Variants in TBCE observed in about 807,000 individuals in gnomAD.
The protein encoded by TBCE is tubulin-specific chaperone E.
Under a neutral mutation model 77.0 loss-of-function variants are expected in TBCE, and 53 were observed. The observed-to-expected ratio is 0.69, with a 90% CI of 0.55 to 0.87. The LOEUF (loss-of-function observed/expected upper bound fraction) is 0.87. Among genes scored for constraint, TBCE ranks in the 40% least tolerant of loss-of-function variants. The pLI is 0.00. For synonymous variants in TBCE, 235 were observed against 241.3 expected, an observed-to-expected ratio of 0.97 and a Z score of 0.24; for missense variants, 624 against 622.4, an observed-to-expected ratio of 1.00 and a Z score of -0.03.
chr1:235,417,255 A>T (rs1278254907), intron 4 of TBCE, among the ~76,000 whole-genome samples: 1 of 152,222 alleles, frequency 6.6e-6, no homozygotes, highest in Non-Finnish European at 1.5e-5. Context: ...CTGGCAAAGA[A>T]GGCTATTTTA....
intron 2 of TBCE, among the ~76,000 whole-genome samples, chr1:235,400,408 C>CTTCTTTTTTTTTTTTTTTTT (rs150764928): frequency 2.8e-5 from 3 of 106,050 alleles, no homozygotes; most frequent in African/African-American, 1.3e-4. Context: ...TATTTTTCCT[C>CTTCTTTTTTTTTTTTTTTTT]TTTTTTTTTT....
intron 3 of TBCE, among the ~76,000 whole-genome samples, chr1:235,408,465 A>G (rs143838035): frequency 2.6e-3 from 386 of 150,896 alleles, no homozygotes; most frequent in African/African-American, 9.1e-3. Context: ...AAATGTAATG[A>G]TAGTATGTGG....
rs1682781907 is a variant in TBCE at position 235,449,778 on chromosome 1, ATAATTATCC to A, written c.*1023_*1031del. On this transcript the variant is annotated 3_prime_UTR_variant, in exon 17 of 17. Transcript: ENST00000642610. ...ATTCCTGTGAGTTCCTTTTTGTCTG[ATAATTATCC>A]TAATTAGCTCTACAGAGCTATCCTG... 2 of 155,062 alleles carry A rather than the reference ATAATTATCC, an allele frequency of 1.3e-5. No homozygotes were observed. The highest frequency in any genetic ancestry group is 4.8e-5 in the African/African-American group (2 of 41,466). The allele number at this position is 155,062 out of a possible 1,614,324, so 9.6% of individuals were successfully genotyped here. A position where few individuals can be genotyped will look rare whatever the true frequency, so the allele number is the denominator to read the frequency against.
intron 3 of TBCE, among the ~76,000 whole-genome samples, chr1:235,409,556 C>T (rs1679651961): frequency 6.6e-6 from 1 of 151,876 alleles, no homozygotes; most frequent in African/African-American, 2.4e-5. Flanking sequence ...AAATATTGAT[C>T]TTTAGTGTTA....
chr1:235,393,568 A>G (rs932855006), intron 2 of TBCE, among the ~76,000 whole-genome samples: 4 of 151,434 alleles, frequency 2.6e-5, no homozygotes, highest in African/African-American at 9.7e-5. Flanking sequence ...ATATCTTATT[A>G]TTGTTGTTTT....
At position 235,449,003 on chromosome 1, in the gene TBCE, A is replaced by AGTTCATCACT; in HGVS notation, c.*242_*243insTTCATCACTG. On this transcript the variant is annotated 3_prime_UTR_variant, in exon 17 of 17. Transcript: ENST00000642610. ...GATCTTATTTCATATTTATTTTTAC[A>AGTTCATCACT]GCTCATCACTGCATTTCATGATAAG... The AGTTCATCACT allele has an allele frequency of 2.3e-6, 1 of 442,276 alleles. No homozygotes were observed. Among genetic ancestry groups the AGTTCATCACT allele is most frequent in the African/African-American group, 2.0e-5 (1 of 50,146 alleles). 27.4% of individuals were successfully genotyped at this position (442,276 alleles called of 1,614,324 possible). A position where few individuals can be genotyped will look rare whatever the true frequency, so the allele number is the denominator to read the frequency against.
At chr1:235,399,509 C>T (rs1043402476) in intron 2 of TBCE, among the ~76,000 whole-genome samples, 9 of 150,490 alleles carry the variant, frequency 6.0e-5, no homozygotes, top group Middle Eastern at 3.2e-3. Flanking sequence ...GAGAGGCTCC[C>T]ACCCCTCTAC....
intron 6 of TBCE, among the ~76,000 whole-genome samples, chr1:235,428,791 G>C (rs762035262): frequency 1.0e-4 from 15 of 148,932 alleles, no homozygotes; most frequent in Non-Finnish European, 1.9e-4. Flanking sequence ...CTACAGGCAC[G>C]AGCCACCACG....
intron 2 of TBCE, among the ~76,000 whole-genome samples, chr1:235,399,718 C>G (rs921136983): frequency 6.6e-6 from 1 of 152,184 alleles, no homozygotes; most frequent in African/African-American, 2.4e-5. Flanking sequence ...GTTCTGTGAG[C>G]CGCTCCAGCA....
intron 2 of TBCE, among the ~76,000 whole-genome samples, chr1:235,397,492 C>T (rs1245492455): frequency 2.0e-5 from 3 of 152,176 alleles, no homozygotes; most frequent in Admixed American, 6.5e-5. Flanking sequence ...GGATTACAGG[C>T]GTAAGCCACC....
intron 4 of TBCE, chr1:235,416,202 A>C (rs990815239): frequency 2.0e-5 from 3 of 151,152 alleles, no homozygotes; most frequent in African/African-American, 7.3e-5. Flanking sequence ...AAAAGACGTA[A>C]CTATCATGAA....
intron 1 of TBCE, among the ~76,000 whole-genome samples, chr1:235,376,825 T>C (rs1217432579): frequency 6.6e-6 from 1 of 151,886 alleles, no homozygotes; most frequent in Non-Finnish European, 1.5e-5. Context: ...AATACAAAAA[T>C]TAGCTGGGCC....
At chr1:235,410,162 G>A (rs1475344820) in intron 3 of TBCE, among the ~76,000 whole-genome samples, 1 of 143,542 alleles carries the variant, frequency 7.0e-6, no homozygotes, top group Non-Finnish European at 1.5e-5. Flanking sequence ...CAGGAGAATT[G>A]CTTCAACCAG....
In TBCE at chr1:235,401,422, A is replaced by C. The variant is rs1572365694; in HGVS notation, c.101-81A>C. ...ATCTGTGTGATATGGTTTCCGCTGC[A>C]AATTGGTATTTGCTTGCAGAAAACT... On this transcript the variant is annotated intron_variant, in intron 2 of 16. Transcript: ENST00000642610. 6 of 1,215,356 alleles carry C rather than the reference A, an allele frequency of 4.9e-6. No individual in the cohort carries two copies. The East Asian group carries it at 1.4e-4, about 29-fold the overall frequency. The allele number at this position is 1,215,356 out of a possible 1,614,324, so 75.3% of individuals were successfully genotyped here.
chr1:235,402,239 C>CTTT (rs1335148522), intron 3 of TBCE, among the ~76,000 whole-genome samples: 1 of 151,542 alleles, frequency 6.6e-6, no homozygotes, highest in African/African-American at 2.4e-5. Context: ...AATTTCTGTA[C>CTTT]TTTTAGTGGA....
chr1:235,438,774 C>G lies in TBCE; in HGVS notation c.1122C>G (p.Leu374=). The change falls in exon 13 of 17, where the codon CTC becomes CTG. Residue 374 remains leucine (L), a synonymous_variant. Transcript: ENST00000642610. ...TTTATGTCACATGAACATAGATTCTCCCCGAGGAGAGGCGGAGAGCTGAGC... is the reference window on the plus strand; with the variant it reads ...TTTATGTCACATGAACATAGATTCTGCCCGAGGAGAGGCGGAGAGCTGAGC... ...QLKTLNKCEI[L]PEERRRAELD... is the part of the protein sequence containing the mutation. 6.2e-7 allele frequency: 1 copy of G among 1,614,118 alleles called. No homozygotes were observed. The highest frequency in any genetic ancestry group is 1.7e-5 in the Admixed American group (1 of 60,008).
intron 1 of TBCE, among the ~76,000 whole-genome samples, chr1:235,372,261 G>T (rs1250173677): frequency 6.6e-6 from 1 of 151,402 alleles, no homozygotes; most frequent in Non-Finnish European, 1.5e-5. Context: ...TTTCACCATA[G>T]TGGCAAGGCT....
At position 235,422,054 on chromosome 1, in the gene TBCE, C is replaced by T. The variant is rs566707986; in HGVS notation, c.460+2493C>T. Among the ~76,000 whole-genome samples, 10 of 152,342 alleles carry T rather than the reference C, an allele frequency of 6.6e-5. No individual in the cohort carries two copies. In the East Asian group the frequency reaches 1.5e-3, roughly 24 times the overall value. On this transcript the variant is annotated intron_variant, in intron 5 of 16. Coordinates refer to ENST00000642610, the MANE Select transcript of TBCE (RefSeq NM_003193.5). The stretch of plus-strand genomic sequence containing the variant: ...GTCTCTGCCCCTGAGCAGCCTCCTC[C>T]GTTGACCCCAGCGTGCTGCAAATAT...
At chr1:235,396,889 T>C (rs1678755893) in intron 2 of TBCE, among the ~76,000 whole-genome samples, 1 of 152,142 alleles carries the variant, frequency 6.6e-6, no homozygotes, top group Middle Eastern at 3.2e-3. Context: ...ATTAATCCCT[T>C]ATTAGATGAG....
Sources: gnomAD v4.1 joint callset for allele counts (sites outside exome capture counted in the v4.1 genomes callset) on GRCh38, gnomAD v4.1.1 for gene constraint, MANE v1.5 for transcripts, NCBI Gene and HGNC (gene_info 2026-07-23, HGNC 2026-07-21) for gene names.